WNT2B: variants seen among roughly 807,000 people sequenced by gnomAD.
The protein encoded by WNT2B is protein Wnt-2b.
In WNT2B, 19 loss-of-function variants were observed where a neutral mutation model predicts 40.5. The ratio of observed to expected loss-of-function variants is 0.47; its 90% CI spans 0.33 to 0.69. WNT2B has a LOEUF of 0.69. WNT2B is among the 30% of genes least tolerant of loss of function. WNT2B has a pLI of 0.02. For missense variants in WNT2B, 467 were observed against 556.4 expected (o/e 0.84, Z 1.62); for synonymous variants, 220 against 211.9 (o/e 1.04, Z -0.33).
rs990934561 is a variant in WNT2B at position 112,525,681 on chromosome 1, T to TA, written c.*5173dup. 3 of 210,940 alleles carry TA rather than the reference T, an allele frequency of 1.4e-5. No homozygotes were observed. In the Admixed American group the frequency reaches 1.6e-4, roughly 11 times the overall value. 13.1% of individuals were successfully genotyped at this position (210,940 alleles called of 1,614,324 possible). ...GTATATCGATGGAGCAGCTGGACAT[T>TA]AGAGTTCTTTCTCTTTGACCAAAGG... On this transcript the variant is annotated 3_prime_UTR_variant, in exon 5 of 5. Coordinates refer to ENST00000369684, the MANE Select transcript of WNT2B (RefSeq NM_024494.3).
At chr1:112,514,326 G>A (rs963965800) in intron 1 of WNT2B, among the ~76,000 whole-genome samples, 8 of 152,064 alleles carry the variant, frequency 5.3e-5, no homozygotes, top group Non-Finnish European at 5.9e-5. Flanking sequence ...ATTTTTTTTA[G>A]CTACACGGGT....
At chr1:112,489,782 A>AT (rs35427726) in intron 1 of WNT2B, among the ~76,000 whole-genome samples, 73,993 of 149,998 alleles carry the variant, frequency 0.49, 19,355 homozygotes, top group South Asian at 0.66. Flanking sequence ...AATTCTGCCT[A>AT]TTTTTTTTTT....
At chr1:112,470,942 T>C (rs1482928883) in intron 1 of WNT2B, among the ~76,000 whole-genome samples, 2 of 152,200 alleles carry the variant, frequency 1.3e-5, no homozygotes, top group Non-Finnish European at 2.9e-5. Flanking sequence ...CCCAGGGGCT[T>C]CCTCCTTGGT....
intron 1 of WNT2B, chr1:112,491,081 G>A: frequency 1.2e-6 from 2 of 1,612,366 alleles, no homozygotes; most frequent in Non-Finnish European, 1.7e-6. Context: ...TGTTTGCAAA[G>A]GTACATGATA....
intron 1 of WNT2B, among the ~76,000 whole-genome samples, chr1:112,479,972 A>G (rs1206316014): frequency 6.6e-6 from 1 of 151,954 alleles, no homozygotes; most frequent in African/African-American, 2.4e-5. Context: ...TCAGCCTCCC[A>G]AAGTGCTGGG....
intron 2 of WNT2B, 117 bp from the exon 3 acceptor site, chr1:112,516,023 G>T (rs1435610894): frequency 1.5e-5 from 20 of 1,358,596 alleles, no homozygotes; most frequent in Non-Finnish European, 1.9e-5. Context: ...GGGTGTAGGG[G>T]TGACTCTGGG....
At chr1:112,480,676 T>C (rs181524946) in intron 1 of WNT2B, among the ~76,000 whole-genome samples, 2 of 152,118 alleles carry the variant, frequency 1.3e-5, no homozygotes, top group Non-Finnish European at 2.9e-5. Context: ...ACACCTAATC[T>C]TTCTTAAACT....
At position 112,516,340 on chromosome 1, in the gene WNT2B, T is replaced by G; in HGVS notation, c.604T>G (p.Phe202Val). The G allele has an allele frequency of 6.2e-7, 1 of 1,613,950 alleles. No individual in the cohort carries two copies. Among genetic ancestry groups the G allele is most frequent in the Non-Finnish European group, 8.5e-7 (1 of 1,179,998 alleles). ...CTACGGTGTCCGTTTTGCCAAGGCC[T>G]TCGTGGATGCCAAGGAGAAGAGGCT... ...IHYGVRFAKA[F>V]VDAKEKRLKD... is the part of the protein sequence containing the mutation. Residue 202 changes from phenylalanine to valine, a missense_variant, in exon 3 of 5, where the codon TTC becomes GTC. Around this residue, in one of 2 missense-constraint regions of WNT2B, gnomAD observed 330 missense variants for 438.6 expected, o/e 0.75. Coordinates refer to ENST00000369684, the MANE Select transcript of WNT2B (RefSeq NM_024494.3).
At chr1:112,479,699 T>C (rs1651163400) in intron 1 of WNT2B, among the ~76,000 whole-genome samples, 1 of 152,008 alleles carries the variant, frequency 6.6e-6, no homozygotes, top group Admixed American at 6.6e-5. Context: ...CAATTGAAGT[T>C]AAGTTTTTTT....
intron 1 of WNT2B, among the ~76,000 whole-genome samples, chr1:112,497,875 G>T (rs1426166156): frequency 2.6e-5 from 4 of 151,630 alleles, no homozygotes; most frequent in Non-Finnish European, 5.9e-5. Flanking sequence ...GCACTTTGCT[G>T]CTTAGCTATT....
At position 112,509,456 on chromosome 1, in the gene WNT2B, T is replaced by C. The variant is rs770219613; in HGVS notation, c.182+12T>C. ...GACACGTCCTGGTGGTAAGTGTGGC[T>C]CTCAGGCTGGGCGGGTGAGGCGCTT... is the stretch of plus-strand genomic sequence containing the variant. On this transcript the variant is annotated intron_variant, in intron 1 of 4. Transcript: ENST00000369684. This position sits in a 1 kb window ranked among gnomAD's most constrained non-coding sequence, Gnocchi z 4.2. 6.4e-6 allele frequency: 10 copies of C among 1,566,718 alleles called. No individual in the cohort carries two copies. The African/African-American group carries it at 1.3e-4, about 20-fold the overall frequency.
upstream of WNT2B, chr1:112,508,684 A>T: frequency 5.1e-6 from 5 of 982,618 alleles, no homozygotes; most frequent in Non-Finnish European, 6.0e-6. The surrounding 1 kb of genome is among the most constrained non-coding windows in gnomAD (Gnocchi z 4.2). Flanking sequence ...GGGGCTGCTG[A>T]GTGAAGGGCG....
At chr1:112,466,785 G>C (rs1212128582) in exon 1 of WNT2B, 1 of 152,086 alleles carries the variant, frequency 6.6e-6, no homozygotes, top group Non-Finnish European at 1.5e-5. Context: ...TTTTTATACT[G>C]TCGATGCTGT....
chr1:112,509,333 T>A lies in WNT2B; in HGVS notation c.71T>A (p.Val24Glu). Reference protein sequence around the residue: ...PLRRASAPVPVPSPAAPDGSR... With the variant: ...PLRRASAPVPEPSPAAPDGSR... The stretch of plus-strand genomic sequence containing the variant: ...CGGCGCGCCAGCGCCCCGGTCCCTG[T>A]GCCGTCGCCCGCGGCCCCCGACGGC... The change falls in exon 1 of 5, where the codon GTG becomes GAG. Residue 24 changes from valine to glutamate, a missense_variant. Val to Glu is a moderately radical substitution (Grantham distance 121). Transcript: ENST00000369684. This position sits in a 1 kb window ranked among gnomAD's most constrained non-coding sequence, Gnocchi z 4.2. The A allele has an allele frequency of 1.3e-6, 2 of 1,588,666 alleles. No individual in the cohort carries two copies. Among genetic ancestry groups the A allele is most frequent in the South Asian group, 2.2e-5 (2 of 89,324 alleles).
At chr1:112,504,227 C>T (rs1188597984), upstream of WNT2B, among the ~76,000 whole-genome samples, 2 of 152,156 alleles carry the variant, frequency 1.3e-5, no homozygotes, top group African/African-American at 4.8e-5. Flanking sequence ...AGCCAAAGTG[C>T]CAAAAGGCTC....
chr1:112,525,685 GTTCT>G lies in WNT2B; in HGVS notation c.*5181_*5184del, dbSNP rs1225909198. The G allele has an allele frequency of 2.3e-5, 5 of 216,388 alleles. No homozygotes were observed. The highest frequency in any genetic ancestry group is 6.8e-5 in the African/African-American group (3 of 44,226). 13.4% of individuals were successfully genotyped at this position (216,388 alleles called of 1,614,324 possible). A position where few individuals can be genotyped will look rare whatever the true frequency, so the allele number is the denominator to read the frequency against. On this transcript the variant is annotated 3_prime_UTR_variant, in exon 5 of 5. Transcript: ENST00000369684. Reference sequence around the variant, plus strand: ...ATCGATGGAGCAGCTGGACATTAGAGTTCTTTCTCTTTGACCAAAGGAGCCAAAA... The same window carrying G: ...ATCGATGGAGCAGCTGGACATTAGAGTTCTCTTTGACCAAAGGAGCCAAAA...
rs1185962675 is a variant in WNT2B, at chr1:112,527,889, A to G, written c.*7380A>G. On this transcript the variant is annotated 3_prime_UTR_variant, in exon 5 of 5. Coordinates refer to ENST00000369684, the MANE Select transcript of WNT2B (RefSeq NM_024494.3). ...TATGAAGTAAAAGGAAACAGTAAGG[A>G]AGGTGAACTGGAACTCTGGGGAAAC... 6.6e-6 allele frequency: 1 copy of G among 152,260 alleles called. No homozygotes were observed. The highest frequency in any genetic ancestry group is 1.5e-5 in the Non-Finnish European group (1 of 68,054). The allele number at this position is 152,260 out of a possible 1,614,324, so 9.4% of individuals were successfully genotyped here. A position where few individuals can be genotyped will look rare whatever the true frequency, so the allele number is the denominator to read the frequency against.
intron 1 of WNT2B, among the ~76,000 whole-genome samples, chr1:112,484,288 T>C (rs1366636346): frequency 3.0e-4 from 37 of 123,526 alleles, no homozygotes; most frequent in African/African-American, 8.6e-4. Flanking sequence ...TATATATATA[T>C]ATACACACAC....
At chr1:112,484,474 A>G (rs951869803) in intron 1 of WNT2B, among the ~76,000 whole-genome samples, 1 of 151,022 alleles carries the variant, frequency 6.6e-6, no homozygotes, top group Non-Finnish European at 1.5e-5. Flanking sequence ...ACAAGGTTTC[A>G]CTACATTGCC....
Sources: allele counts gnomAD v4.1 joint callset (sites outside exome capture counted in the v4.1 genomes callset), GRCh38; gene constraint gnomAD v4.1.1; regional missense constraint gnomAD v4.1.1; non-coding constraint Gnocchi (gnomAD v3.1); transcripts MANE v1.5; gene names NCBI Gene and HGNC (gene_info 2026-07-23, HGNC 2026-07-21).